CDR2: variants seen among roughly 807,000 people sequenced by gnomAD.
CDR2 encodes cerebellar degeneration related protein 2.
CDR2 carries 34 observed loss-of-function variants against 48.4 expected under a neutral mutation model. The observed-to-expected ratio is 0.70, with a 90% CI of 0.53 to 0.94. The LOEUF is 0.94. Among genes scored for constraint, CDR2 ranks in the 40% least tolerant of loss-of-function variants. CDR2 has a pLI of 0.00. For synonymous variants in CDR2, 240 were observed against 219.7 expected (o/e 1.09, Z -0.82); for missense variants, 498 against 549.5 (o/e 0.91, Z 0.94).
At chr16:22,349,248 G>C (rs372360077) in intron 4 of CDR2, 31 bp downstream of exon 4, 2 of 1,611,674 alleles carry the variant, frequency 1.2e-6, no homozygotes, top group Admixed American at 1.7e-5. Flanking sequence ...GACAGTCCCT[G>C]CTGTAACTCC....
intron 2 of CDR2, among the ~76,000 whole-genome samples, chr16:22,364,380 AT>A (rs930617689): frequency 6.0e-5 from 9 of 149,308 alleles, no homozygotes; most frequent in African/African-American, 9.8e-5. Flanking sequence ...AGGAACTATG[AT>A]TTTTTTTTTT....
At chr16:22,366,670 A>T (rs2049046651) in intron 1 of CDR2, among the ~76,000 whole-genome samples, 2 of 152,114 alleles carry the variant, frequency 1.3e-5, no homozygotes. Context: ...CTCAAATCAG[A>T]GGGGCTCCAA....
At chr16:22,349,920 G>A (rs1249286908) in intron 2 of CDR2, 71 bp from the exon 3 acceptor site, 1 of 1,452,966 alleles carries the variant, frequency 6.9e-7, no homozygotes, top group Non-Finnish European at 9.6e-7. Flanking sequence ...TGGCTGCGGT[G>A]GCTCACGCCT....
chr16:22,354,071 T>C (rs926195068), intron 2 of CDR2, among the ~76,000 whole-genome samples: 4 of 152,352 alleles, frequency 2.6e-5, no homozygotes, highest in Middle Eastern at 3.4e-3. Flanking sequence ...AAACTTTACA[T>C]GTGCTAAGAT....
intron 3 of CDR2, 121 bp from the exon 4 acceptor site, chr16:22,349,564 T>A (rs982050116): frequency 7.1e-7 from 1 of 1,401,508 alleles, no homozygotes; most frequent in Non-Finnish European, 9.8e-7. Flanking sequence ...GGATGTCTAT[T>A]TAATCTCCAT....
At chr16:22,362,315 G>C (rs990669277) in intron 2 of CDR2, among the ~76,000 whole-genome samples, 1 of 152,154 alleles carries the variant, frequency 6.6e-6, no homozygotes, top group African/African-American at 2.4e-5. Flanking sequence ...TAGATTTAGA[G>C]AATCTCAGAT....
At position 22,374,526 on chromosome 16, in the gene CDR2, C is replaced by A. The variant is rs940697382; in HGVS notation, c.-217G>T. 8.4e-5 allele frequency: 18 copies of A among 214,882 alleles called. No homozygotes were observed. Among genetic ancestry groups the A allele is most frequent in the Non-Finnish European group, 4.5e-5 (5 of 110,166 alleles). The allele number at this position is 214,882 out of a possible 1,614,324, so 13.3% of individuals were successfully genotyped here. A position where few individuals can be genotyped will look rare whatever the true frequency, so the allele number is the denominator to read the frequency against. ...GCCTCGCGCCTACCGACGGCCCCAA[C>A]GGCCGGGCATTACGGTGCGAACGCC... On this transcript the variant is annotated 5_prime_UTR_variant, in exon 1 of 5. Transcript: ENST00000268383.
Position 22,347,505 on chromosome 16 carries a change from C to A in CDR2, c.825G>T (p.Val275=). Residue 275 remains valine, a synonymous_variant, in exon 5 of 5, where the codon GTG becomes GTT. Coordinates refer to ENST00000268383, the MANE Select transcript of CDR2 (RefSeq NM_001802.2). The stretch of plus-strand genomic sequence containing the variant: ...TGAAAGGAACATACAGAGAGTCTGG[C>A]ACCAGCTTCTCAACTCCATTCACAA... The part of the protein sequence containing the change: ...HPFVNGVEKL[V]PDSLYVPFKE... 6.2e-7 allele frequency: 1 copy of A among 1,614,060 alleles called. No homozygotes were observed. The highest frequency in any genetic ancestry group is 1.1e-5 in the South Asian group (1 of 91,082).
rs955339090 is a variant in CDR2 at position 22,347,679 on chromosome 16, C to A, written c.651G>T (p.Val217=). The change falls in exon 5 of 5, where the codon GTG becomes GTT. Residue 217 remains valine, a synonymous_variant. Coordinates refer to ENST00000268383, the MANE Select transcript of CDR2 (RefSeq NM_001802.2). Reference sequence around the variant, plus strand: ...CGAGCCCATATTCCTCCTCCATAGTCACCCGCTTCTGCCGCTCCAGGCTCA... The same window carrying A: ...CGAGCCCATATTCCTCCTCCATAGTAACCCGCTTCTGCCGCTCCAGGCTCA... ...AQLSLERQKR[V]TMEEEYGLVL... 11 of 1,614,148 alleles carry A rather than the reference C, an allele frequency of 6.8e-6. No homozygotes were observed. Among genetic ancestry groups the A allele is most frequent in the Non-Finnish European group, 9.3e-6 (11 of 1,180,034 alleles).
At chr16:22,374,197 C>CCG in intron 1 of CDR2, 34 bp downstream of exon 1, 1 of 1,481,792 alleles carries the variant, frequency 6.7e-7, no homozygotes, top group Non-Finnish European at 9.3e-7. Flanking sequence ...CCGGGCCAGG[C>CCG]CGCCGCCCGC....
chr16:22,361,597 A>G (rs2049010673), intron 2 of CDR2, among the ~76,000 whole-genome samples: 1 of 152,242 alleles, frequency 6.6e-6, no homozygotes, highest in Non-Finnish European at 1.5e-5. Context: ...CTGGCTGGTA[A>G]GTGGGCTTAG....
At chr16:22,372,145 C>A (rs2049082810) in intron 1 of CDR2, among the ~76,000 whole-genome samples, 1 of 152,158 alleles carries the variant, frequency 6.6e-6, no homozygotes, top group South Asian at 2.1e-4. Flanking sequence ...GCTAGGATTA[C>A]AGGCATGAGT....
intron 2 of CDR2, among the ~76,000 whole-genome samples, chr16:22,361,527 T>C (rs1338859787): frequency 1.3e-5 from 2 of 152,216 alleles, no homozygotes; most frequent in Admixed American, 6.5e-5. Context: ...TCGTGATCTC[T>C]ACATCTGCCC....
At chr16:22,358,855 C>T (rs2048993479) in intron 2 of CDR2, among the ~76,000 whole-genome samples, 1 of 152,128 alleles carries the variant, frequency 6.6e-6, no homozygotes, top group Admixed American at 6.5e-5. Flanking sequence ...TTTTTAAAGT[C>T]TATTTCCAGT....
intron 1 of CDR2, chr16:22,365,225 A>G: frequency 2.2e-6 from 1 of 458,082 alleles, no homozygotes; most frequent in Middle Eastern, 5.8e-4. Flanking sequence ...ACTTGTAAGA[A>G]GTGAAAAATG....
rs367550662 is a variant in CDR2, at chr16:22,355,037, TCTC to T, written c.193-5191_193-5189del. 2.0e-3 allele frequency among the ~76,000 whole-genome samples: 303 copies of T among 152,334 alleles called. 3 individuals carry two copies. The South Asian group carries it at 0.022, about 11-fold the overall frequency. On this transcript the variant is annotated intron_variant, in intron 2 of 4. Transcript: ENST00000268383. ...ACAGCCAATCTTATTTCATCTCTAC[TCTC>T]CTACTTTCCTCGTCCTCCAATCATT...
intron 2 of CDR2, among the ~76,000 whole-genome samples, chr16:22,359,242 TC>T (rs1356079745): frequency 6.6e-6 from 1 of 152,118 alleles, no homozygotes; most frequent in Non-Finnish European, 1.5e-5. Flanking sequence ...ATTCTCTGCC[TC>T]AGCCTCCTGA....
At chr16:22,351,484 T>C (rs750073033) in intron 2 of CDR2, among the ~76,000 whole-genome samples, 5 of 152,170 alleles carry the variant, frequency 3.3e-5, no homozygotes, top group Non-Finnish European at 7.3e-5. Context: ...CCACCAACAG[T>C]GTAAAACGTT....
At chr16:22,358,121 G>A (rs758252241) in intron 2 of CDR2, among the ~76,000 whole-genome samples, 1 of 152,160 alleles carries the variant, frequency 6.6e-6, no homozygotes, top group Non-Finnish European at 1.5e-5. Flanking sequence ...AGACATCTAG[G>A]TCTATGGAGT....
Sources: allele counts gnomAD v4.1 joint callset (sites outside exome capture counted in the v4.1 genomes callset), GRCh38; gene constraint gnomAD v4.1.1; transcripts MANE v1.5; gene names NCBI Gene and HGNC (gene_info 2026-07-23, HGNC 2026-07-21).